The following PLCXD2 variants were observed in gnomAD, a reference collection of about 807,000 sequenced individuals.
PLCXD2 encodes phosphatidylinositol specific phospholipase C X domain containing 2, also known as PI-PLC X domain-containing protein 2.
Under a neutral mutation model 28.6 loss-of-function variants are expected in PLCXD2, and 21 were observed. The ratio of observed to expected loss-of-function variants is 0.73; its 90% confidence interval spans 0.52 to 1.06. The LOEUF is 1.06. PLCXD2 is among the 50% of genes least tolerant of loss of function. The pLI is 0.00. For synonymous variants in PLCXD2, 140 were observed against 150.1 expected, an observed-to-expected ratio of 0.93 and a Z score of 0.49; for missense variants, 369 against 376.7, an observed-to-expected ratio of 0.98 and a Z score of 0.17.
chr3:111,709,486 A>G (rs201841913), intron 2 of PLCXD2, among the ~76,000 whole-genome samples: 2 of 139,386 alleles, frequency 1.4e-5, no homozygotes, highest in African/African-American at 2.9e-5. Context: ...ACACACACGC[A>G]CACACACACA....
chr3:111,724,214 C>T (rs1170537048), intron 3 of PLCXD2: 1 of 152,056 alleles, frequency 6.6e-6, no homozygotes, highest in African/African-American at 2.4e-5. Context: ...AGTGGCAGAC[C>T]TCCAAGAGAG....
At chr3:111,713,605 G>A (rs1282447438) in intron 2 of PLCXD2, among the ~76,000 whole-genome samples, 2 of 152,046 alleles carry the variant, frequency 1.3e-5, no homozygotes, top group African/African-American at 2.4e-5. Context: ...TATATTGTAT[G>A]CATTCATTTA....
intron 3 of PLCXD2, among the ~76,000 whole-genome samples, chr3:111,714,474 GA>G (rs1941242108): frequency 6.6e-6 from 1 of 152,180 alleles, no homozygotes; most frequent in Non-Finnish European, 1.5e-5. Flanking sequence ...ACTCATTTAA[GA>G]AGCATTCAAT....
intron 1 of PLCXD2, among the ~76,000 whole-genome samples, chr3:111,696,040 T>C (rs907080686): frequency 1.3e-5 from 2 of 152,184 alleles, no homozygotes; most frequent in Non-Finnish European, 2.9e-5. Context: ...CCCTCAAAGA[T>C]GGCAGTGATG....
At chr3:111,722,081 G>C (rs1266155188) in intron 3 of PLCXD2, 2 of 152,058 alleles carry the variant, frequency 1.3e-5, no homozygotes, top group Non-Finnish European at 2.9e-5. Flanking sequence ...AGGTTGTTTT[G>C]AGCCTACCAA....
chr3:111,687,057 G>A (rs1940805169), intron 1 of PLCXD2, among the ~76,000 whole-genome samples: 2 of 152,202 alleles, frequency 1.3e-5, no homozygotes, highest in Non-Finnish European at 2.9e-5. Context: ...ACCAGCCTTA[G>A]GCAACTCTCT....
chr3:111,718,609 T>A (rs572932625), intron 3 of PLCXD2, among the ~76,000 whole-genome samples: 3 of 152,150 alleles, frequency 2.0e-5, no homozygotes, highest in Non-Finnish European at 4.4e-5. Context: ...GACCCAGGAC[T>A]GATTATAGTT....
At chr3:111,704,609 G>C (rs2107859304) in intron 1 of PLCXD2, among the ~76,000 whole-genome samples, 1 of 152,246 alleles carries the variant, frequency 6.6e-6, no homozygotes, top group South Asian at 2.1e-4. Flanking sequence ...GGGATACAGA[G>C]TGATATTTCA....
At chr3:111,714,747 T>C (rs1026237489) in intron 3 of PLCXD2, among the ~76,000 whole-genome samples, 6 of 152,158 alleles carry the variant, frequency 3.9e-5, no homozygotes, top group African/African-American at 1.2e-4. Flanking sequence ...AAAAGGATGG[T>C]TTATTTGTAT....
Position 111,714,053 on chromosome 3 carries a change from A to T in PLCXD2, c.791A>T (p.Gln264Leu). ...TCACGGGGCTCCTTCCATGTCTCCC[A>T]AGCGATCCTCACCCCCAGAGTGAAG... is the stretch of plus-strand genomic sequence containing the variant. The change falls in exon 3 of 5, where the codon CAA (glutamine) becomes CTA (leucine). Residue 264 changes from glutamine to leucine, a missense_variant. Physicochemically the swap from Gln to Leu is moderately radical, Grantham distance 113. Coordinates refer to ENST00000477665, the MANE Select transcript of PLCXD2 (RefSeq NM_001185106.1). The T allele has an allele frequency of 6.2e-7, 1 of 1,614,154 alleles. No homozygotes were observed. The highest frequency in any genetic ancestry group is 8.5e-7 in the Non-Finnish European group (1 of 1,180,022).
At chr3:111,694,937 T>C (rs547890301) in intron 1 of PLCXD2, among the ~76,000 whole-genome samples, 11 of 152,188 alleles carry the variant, frequency 7.2e-5, no homozygotes, top group Non-Finnish European at 1.3e-4. Context: ...AGACATATGT[T>C]GTCAGCCATT....
At chr3:111,679,353 G>T (rs115449417) in intron 1 of PLCXD2, among the ~76,000 whole-genome samples, 1 of 152,184 alleles carries the variant, frequency 6.6e-6, no homozygotes, top group African/African-American at 2.4e-5. Flanking sequence ...ACCCTCTCTG[G>T]TCCTTCCATA....
At chr3:111,678,375 A>G (rs1021711077) in intron 1 of PLCXD2, among the ~76,000 whole-genome samples, 5 of 152,218 alleles carry the variant, frequency 3.3e-5, no homozygotes, top group Admixed American at 3.3e-4. Context: ...TAAAAGACAG[A>G]TTTTTAAATT....
chr3:111,691,072 AAAG>A (rs145945058), intron 1 of PLCXD2, among the ~76,000 whole-genome samples: 5,918 of 152,310 alleles, frequency 0.039, 180 homozygotes, highest in Middle Eastern at 0.078. Flanking sequence ...GTGTGAGCAG[AAAG>A]AAGGTCTCCA....
At chr3:111,724,207 G>C (rs892422660) in intron 3 of PLCXD2, 2 of 152,020 alleles carry the variant, frequency 1.3e-5, no homozygotes, top group Non-Finnish European at 2.9e-5. Flanking sequence ...TTAAATTAGT[G>C]GCAGACCTCC....
At chr3:111,725,042 CTTA>C (rs1941397888) in intron 3 of PLCXD2, 1 of 152,192 alleles carries the variant, frequency 6.6e-6, no homozygotes, top group Non-Finnish European at 1.5e-5. Flanking sequence ...GCTGCTTGGG[CTTA>C]TTTCCCAACA....
At chr3:111,719,904 A>G (rs918517469) in intron 3 of PLCXD2, among the ~76,000 whole-genome samples, 2 of 152,244 alleles carry the variant, frequency 1.3e-5, no homozygotes, top group Non-Finnish European at 2.9e-5. Context: ...TTTATGTTAA[A>G]AGAAGAACAA....
At chr3:111,682,077 A>G (rs1940725184) in intron 1 of PLCXD2, among the ~76,000 whole-genome samples, 1 of 152,258 alleles carries the variant, frequency 6.6e-6, no homozygotes, top group African/African-American at 2.4e-5. Flanking sequence ...ACACGCATCA[A>G]GAACCAAATT....
chr3:111,700,177 A>C (rs1941021442), intron 1 of PLCXD2, among the ~76,000 whole-genome samples: 2 of 152,188 alleles, frequency 1.3e-5, no homozygotes, highest in African/African-American at 4.8e-5. Context: ...GCCACCTCCC[A>C]GTGATTCTGA....
Sources: gnomAD v4.1 joint callset for allele counts (sites outside exome capture counted in the v4.1 genomes callset) on GRCh38, gnomAD v4.1.1 for gene constraint, MANE v1.5 for transcripts, NCBI Gene and HGNC (gene_info 2026-07-23, HGNC 2026-07-21) for gene names.